TBC1D14: variants seen among roughly 807,000 people sequenced by gnomAD.
TBC1D14 encodes the protein TBC1 domain family, member 14.
A neutral mutation model predicts 79.0 loss-of-function variants in TBC1D14; 26 were observed. The observed-to-expected ratio is 0.33, with a 90% confidence interval of 0.24 to 0.46. The LOEUF is 0.46. TBC1D14 is among the 20% of genes least tolerant of loss of function. TBC1D14 has a pLI of 1.00. For missense variants in TBC1D14, 769 were observed against 887.6 expected (o/e 0.87, Z 1.70); for synonymous variants, 394 against 349.9 (o/e 1.13, Z -1.40).
chr4:6,992,798 G>A (rs957551475), intron 3 of TBC1D14, among the ~76,000 whole-genome samples: 2 of 151,798 alleles, frequency 1.3e-5, no homozygotes, highest in African/African-American at 4.8e-5. Flanking sequence ...CAGTGTAGAT[G>A]TTCAGATGCT....
At chr4:7,022,998 G>A (rs1352461634) in intron 12 of TBC1D14, among the ~76,000 whole-genome samples, 4 of 152,178 alleles carry the variant, frequency 2.6e-5, no homozygotes, top group African/African-American at 9.6e-5. Flanking sequence ...GCTCACGCCT[G>A]TAATCCCAGC....
intron 13 of TBC1D14, among the ~76,000 whole-genome samples, chr4:7,029,754 G>A (rs1251306964): frequency 2.0e-5 from 3 of 152,210 alleles, no homozygotes; most frequent in Admixed American, 6.5e-5. Flanking sequence ...GAACCCGGGG[G>A]TCAGAGATTA....
intron 2 of TBC1D14, among the ~76,000 whole-genome samples, chr4:6,953,898 G>GA (rs1283044247): frequency 6.6e-6 from 1 of 152,036 alleles, no homozygotes; most frequent in African/African-American, 2.4e-5. Context: ...TTCCAGGTCC[G>GA]AGGTCCCGGT....
intron 8 of TBC1D14, 99 bp downstream of exon 8, chr4:7,005,023 T>G (rs994197504): frequency 1.9e-6 from 2 of 1,063,616 alleles, no homozygotes; most frequent in Non-Finnish European, 2.8e-6. Flanking sequence ...CAGTAGAGAT[T>G]GTTGTGGAGT....
chr4:7,008,211 AGT>A lies in TBC1D14; in HGVS notation c.1446+1491_1446+1492del, dbSNP rs749379591. Among the ~76,000 whole-genome samples the A allele has an allele frequency of 9.8e-4, 150 of 152,310 alleles. 1 individual carries two copies. The Middle Eastern group carries it at 0.017, about 17-fold the overall frequency. On this transcript the variant is annotated intron_variant, in intron 9 of 13. Transcript: ENST00000409757. ...CCATATCCTACCAGGTGGTGGCAGA[AGT>A]GTGTGATGAAAGAGGTGGTGGGCGG... is the stretch of plus-strand genomic sequence containing the variant.
At chr4:6,925,976 A>G (rs764606378) in intron 2 of TBC1D14, among the ~76,000 whole-genome samples, 14 of 152,220 alleles carry the variant, frequency 9.2e-5, no homozygotes, top group Non-Finnish European at 1.5e-4. Context: ...TGGCCGGGAA[A>G]CAGCATGGTG....
chr4:7,022,228 C>T (rs970535453), intron 12 of TBC1D14, among the ~76,000 whole-genome samples: 2 of 152,168 alleles, frequency 1.3e-5, no homozygotes, highest in Non-Finnish European at 2.9e-5. Context: ...CGGTGCAGAG[C>T]TCTTGGAGTG....
chr4:6,941,180 C>CTTTTTTTTTTTTTT (rs35201238), intron 2 of TBC1D14, among the ~76,000 whole-genome samples: 1 of 87,758 alleles, frequency 1.1e-5, no homozygotes. Flanking sequence ...AGGAAAGCAG[C>CTTTTTTTTTTTTTT]TTTTTTTTTT....
intron 9 of TBC1D14, chr4:7,007,577 G>A (rs1193871677): frequency 7.8e-7 from 1 of 1,289,362 alleles, no homozygotes; most frequent in Non-Finnish European, 1.0e-6. Flanking sequence ...TTCAGAAGAG[G>A]AAAGAGAGGG....
intron 7 of TBC1D14, among the ~76,000 whole-genome samples, chr4:7,004,373 A>T (rs941200555): frequency 6.6e-6 from 1 of 152,182 alleles, no homozygotes; most frequent in Non-Finnish European, 1.5e-5. Flanking sequence ...GGTGGGGGCA[A>T]TTGCACCATG....
chr4:6,909,668 C>T (rs529923499), upstream of TBC1D14, among the ~76,000 whole-genome samples: 1 of 151,318 alleles, frequency 6.6e-6, no homozygotes, highest in Non-Finnish European at 1.5e-5. Flanking sequence ...GACAGCCGGG[C>T]GAGCGCCGAG....
chr4:6,984,168 G>C (rs1717620490), intron 3 of TBC1D14, among the ~76,000 whole-genome samples: 1 of 152,198 alleles, frequency 6.6e-6, no homozygotes. Flanking sequence ...AAGCTGGAAT[G>C]TGTACCTTGG....
intron 6 of TBC1D14, 81 bp from the exon 7 acceptor site, chr4:7,001,064 G>T: frequency 8.5e-7 from 1 of 1,173,256 alleles, no homozygotes; most frequent in Non-Finnish European, 1.3e-6. Flanking sequence ...CCCAGCTCTT[G>T]GTGGTTCGGG....
intron 1 of TBC1D14, among the ~76,000 whole-genome samples, chr4:6,917,939 G>C (rs1723535673): frequency 6.6e-6 from 1 of 152,148 alleles, no homozygotes; most frequent in Non-Finnish European, 1.5e-5. Context: ...TTTACGGTAT[G>C]TTGCAAGCGG....
intron 3 of TBC1D14, among the ~76,000 whole-genome samples, chr4:6,977,728 CAGG>C: frequency 2.9e-5 from 2 of 69,060 alleles, no homozygotes; most frequent in African/African-American, 9.5e-5. Flanking sequence ...GCGTCTCTGC[CAGG>C]CCGCCATCCC....
intron 11 of TBC1D14, among the ~76,000 whole-genome samples, chr4:7,013,467 C>T (rs1010182175): frequency 4.6e-5 from 7 of 152,248 alleles, no homozygotes; most frequent in African/African-American, 9.6e-5. Flanking sequence ...ACGGGTGCTG[C>T]CCCCAGTCCA....
intron 3 of TBC1D14, among the ~76,000 whole-genome samples, chr4:6,981,575 C>CA (rs1228992650): frequency 1.3e-5 from 2 of 151,994 alleles, no homozygotes; most frequent in African/African-American, 2.4e-5. Flanking sequence ...AATACAGTAC[C>CA]AAAAAAACTA....
At chr4:6,973,343 G>C (rs942383813) in intron 3 of TBC1D14, among the ~76,000 whole-genome samples, 8 of 152,136 alleles carry the variant, frequency 5.3e-5, no homozygotes, top group African/African-American at 1.9e-4. Flanking sequence ...GGTCTTGGTG[G>C]TCAGTGGAAG....
chr4:6,939,696 C>T (rs1471006775), intron 2 of TBC1D14, among the ~76,000 whole-genome samples: 2 of 146,072 alleles, frequency 1.4e-5, no homozygotes, highest in African/African-American at 5.1e-5. Context: ...ATAAGGGATG[C>T]TCAGTGCCAG....
Sources: gnomAD v4.1 joint callset for allele counts (sites outside exome capture counted in the v4.1 genomes callset) on GRCh38, gnomAD v4.1.1 for gene constraint, MANE v1.5 for transcripts, NCBI Gene and HGNC (gene_info 2026-07-23, HGNC 2026-07-21) for gene names.